Variants in PDILT observed in about 807,000 individuals in gnomAD.
The protein encoded by PDILT is protein disulfide isomerase like, testis expressed, also known as protein disulfide-isomerase-like protein of the testis.
A neutral mutation model predicts 53.7 loss-of-function variants in PDILT; 43 were observed. The observed-to-expected ratio is 0.80, with a 90% CI of 0.63 to 1.03. The LOEUF (loss-of-function observed/expected upper bound fraction) is 1.03. Ranked by LOEUF, PDILT falls within the 50% of genes least tolerant of loss-of-function variation. The pLI, the probability that PDILT is intolerant of heterozygous loss-of-function variation, is 0.00. For synonymous variants in PDILT, 282 were observed against 274.2 expected, an observed-to-expected ratio of 1.03 and a Z score of -0.28; for missense variants, 727 against 712.3, an observed-to-expected ratio of 1.02 and a Z score of -0.24.
intron 4 of PDILT, 98 bp from the exon 5 acceptor site, chr16:20,375,057 C>T: frequency 7.3e-7 from 1 of 1,367,236 alleles, no homozygotes; most frequent in East Asian, 2.4e-5. Flanking sequence ...CGTCTCTTCA[C>T]TTTTTCAAGT....
At chr16:20,389,210 A>G (rs1338258829) in intron 2 of PDILT, among the ~76,000 whole-genome samples, 1 of 152,012 alleles carries the variant, frequency 6.6e-6, no homozygotes, top group Non-Finnish European at 1.5e-5. Flanking sequence ...AATGAATGTG[A>G]ATTCCTTAGG....
chr16:20,395,482 G>T (rs749429942), intron 2 of PDILT, among the ~76,000 whole-genome samples: 3 of 152,242 alleles, frequency 2.0e-5, no homozygotes, highest in Non-Finnish European at 4.4e-5. Flanking sequence ...TGTCAAGGAT[G>T]AGGGAGTCAG....
chr16:20,399,306 T>C lies in PDILT; in HGVS notation c.-6A>G. 6 of 1,613,574 alleles carry C rather than the reference T, an allele frequency of 3.7e-6. No individual in the cohort carries two copies. The highest frequency in any genetic ancestry group is 1.7e-4 in the Middle Eastern group (1 of 6,052). ...GGCATCCAGAGTAGGTCCATGGCTGTCCTGCAGGGGCCGGAGAAGGAACAG... is the reference window on the plus strand; with the variant it reads ...GGCATCCAGAGTAGGTCCATGGCTGCCCTGCAGGGGCCGGAGAAGGAACAG... On this transcript the variant is annotated splice_region_variant and 5_prime_UTR_variant, in exon 2 of 12. Coordinates refer to ENST00000302451, the MANE Select transcript of PDILT (RefSeq NM_174924.2).
chr16:20,379,802 G>C (rs1055640294), intron 3 of PDILT, among the ~76,000 whole-genome samples: 2 of 152,274 alleles, frequency 1.3e-5, no homozygotes, highest in East Asian at 3.9e-4. Flanking sequence ...AAGCTGATAT[G>C]GTGGCTTCAA....
intron 3 of PDILT, among the ~76,000 whole-genome samples, chr16:20,381,975 T>A (rs962509859): frequency 1.5e-4 from 23 of 152,318 alleles, no homozygotes; most frequent in African/African-American, 5.3e-4. Context: ...CATGGCTCAC[T>A]GCAGTCACAA....
chr16:20,362,702 C>G, intron 9 of PDILT, 120 bp from the exon 10 acceptor site: 1 of 768,176 alleles, frequency 1.3e-6, no homozygotes, highest in Non-Finnish European at 2.1e-6. Context: ...AATTGCACTC[C>G]CTCCTTCTTT....
chr16:20,364,892 A>G (rs1966167614), intron 9 of PDILT, among the ~76,000 whole-genome samples: 1 of 152,178 alleles, frequency 6.6e-6, no homozygotes, highest in Non-Finnish European at 1.5e-5. Flanking sequence ...CTAAAGCCAG[A>G]AGCAAAGAAA....
intron 11 of PDILT, among the ~76,000 whole-genome samples, chr16:20,360,223 G>A (rs1596574875): frequency 6.6e-6 from 1 of 152,200 alleles, no homozygotes; most frequent in East Asian, 1.9e-4. Context: ...GGCTAGGGGA[G>A]AAAGGGGACT....
intron 5 of PDILT, among the ~76,000 whole-genome samples, chr16:20,374,317 T>C (rs1254120947): frequency 6.6e-6 from 1 of 151,984 alleles, no homozygotes; most frequent in South Asian, 2.1e-4. Context: ...GAGGGAAGTG[T>C]TAGGATGTTG....
At chr16:20,398,353 G>A (rs1966687738) in intron 2 of PDILT, among the ~76,000 whole-genome samples, 1 of 152,078 alleles carries the variant, frequency 6.6e-6, no homozygotes, top group African/African-American at 2.4e-5. Context: ...TGGGCACAGT[G>A]GTTCACGCCT....
intron 2 of PDILT, among the ~76,000 whole-genome samples, chr16:20,396,349 A>G (rs1404657921): frequency 2.0e-5 from 3 of 152,216 alleles, no homozygotes; most frequent in Non-Finnish European, 4.4e-5. Flanking sequence ...AAGATGCATG[A>G]ATGATTCAGG....
chr16:20,363,685 A>G (rs937696105), intron 9 of PDILT, among the ~76,000 whole-genome samples: 1 of 152,120 alleles, frequency 6.6e-6, no homozygotes, highest in African/African-American at 2.4e-5. Flanking sequence ...ACATATAGAT[A>G]TTATGTTATG....
At chr16:20,362,658 C>G in intron 9 of PDILT, 76 bp from the exon 10 acceptor site, 1 of 1,422,162 alleles carries the variant, frequency 7.0e-7, no homozygotes, top group Non-Finnish European at 9.7e-7. Flanking sequence ...CACATGGCAT[C>G]GCTGTGTTCC....
chr16:20,390,441 T>C (rs1349676460), intron 2 of PDILT, among the ~76,000 whole-genome samples: 2 of 152,150 alleles, frequency 1.3e-5, no homozygotes. Flanking sequence ...TGCTAAAGTG[T>C]TACCTTTCCA....
At chr16:20,402,290 A>T (rs1311958469) in intron 1 of PDILT, among the ~76,000 whole-genome samples, 2 of 149,632 alleles carry the variant, frequency 1.3e-5, no homozygotes, top group South Asian at 4.3e-4. Context: ...AGGAGTGTTG[A>T]TCTTTTCTTT....
intron 6 of PDILT, 30 bp from the exon 7 acceptor site, chr16:20,372,957 A>T: frequency 6.2e-7 from 1 of 1,613,744 alleles, no homozygotes. Context: ...ATGTCATCCC[A>T]AGCACACACA....
At chr16:20,384,929 GCTTAGCTCCCGGAACCTTT>G in intron 2 of PDILT, 78 bp from the exon 3 acceptor site, 1 of 1,418,220 alleles carries the variant, frequency 7.1e-7, no homozygotes. Context: ...TGTTGGGCCT[GCTTAGCTCCCGGAACCTTT>G]CTTGTGCTCA....
intron 5 of PDILT, among the ~76,000 whole-genome samples, chr16:20,374,477 A>C (rs1192678463): frequency 1.3e-5 from 2 of 152,170 alleles, no homozygotes; most frequent in Admixed American, 6.5e-5. Context: ...AAAGGTCTGC[A>C]GATTAGAGAA....
intron 2 of PDILT, among the ~76,000 whole-genome samples, chr16:20,394,623 C>G (rs1452960957): frequency 6.6e-6 from 1 of 152,228 alleles, no homozygotes; most frequent in African/African-American, 2.4e-5. Flanking sequence ...CGATTCAGTG[C>G]TTCTAGGATG....
Sources: gnomAD v4.1 joint callset for allele counts (sites outside exome capture counted in the v4.1 genomes callset) on GRCh38, gnomAD v4.1.1 for gene constraint, MANE v1.5 for transcripts, NCBI Gene and HGNC (gene_info 2026-07-23, HGNC 2026-07-21) for gene names.